PTPRN2: variants seen among roughly 807,000 people sequenced by gnomAD.
The protein encoded by PTPRN2 is receptor-type tyrosine-protein phosphatase N2.
In PTPRN2, 74 loss-of-function variants were observed where a neutral mutation model predicts 118.8. That is an observed-to-expected ratio of 0.62 (90% CI 0.52 to 0.76). PTPRN2 has a LOEUF of 0.76. Among genes scored for constraint, PTPRN2 ranks in the 30% least tolerant of loss-of-function variants. PTPRN2 has a pLI of 0.00. For missense variants in PTPRN2, 1,481 were observed against 1,394.4 expected, an observed-to-expected ratio of 1.06 and a Z score of -0.99; for synonymous variants, 641 against 608.0, an observed-to-expected ratio of 1.05 and a Z score of -0.80.
chr7:157,840,855 A>T (rs765899183), intron 12 of PTPRN2, among the ~76,000 whole-genome samples: 1 of 152,210 alleles, frequency 6.6e-6, no homozygotes, highest in Admixed American at 6.5e-5. Flanking sequence ...CAGGAGCCAG[A>T]AGTGTTTCTT....
Position 157,591,966 on chromosome 7 carries a change from C to T in PTPRN2, c.2496+3272G>A, listed in dbSNP as rs751599713. ...AGAGGCTCTGCTCGGCTGGCATGCT[C>T]GAGAACATCCTGGGAGGGCTGAGGC... On this transcript the variant is annotated intron_variant, in intron 17 of 22. Transcript: ENST00000389418. This position sits in a 1 kb window ranked among gnomAD's most constrained non-coding sequence, Gnocchi z 4.4. Among the ~76,000 whole-genome samples the T allele has an allele frequency of 9.2e-5, 14 of 152,162 alleles. No individual in the cohort carries two copies. The highest frequency in any genetic ancestry group is 1.8e-4 in the Non-Finnish European group (12 of 68,040).
rs533245249 is a variant in PTPRN2, at chr7:158,419,713, C to T, written c.163+70022G>A. 3.9e-4 allele frequency among the ~76,000 whole-genome samples: 59 copies of T among 152,256 alleles called. 1 individual carries two copies. The highest frequency in any genetic ancestry group is 1.3e-3 in the African/African-American group (56 of 41,548). ...CACAAGCCTCCAGCACTCGGTGTGG[C>T]CAGCATTCACCACTCAGGGATTTCT... is the stretch of plus-strand genomic sequence containing the variant. On this transcript the variant is annotated intron_variant, in intron 2 of 22. Transcript: ENST00000389418.
intron 11 of PTPRN2, among the ~76,000 whole-genome samples, chr7:158,009,898 G>A (rs1160452841): frequency 6.6e-6 from 1 of 152,112 alleles, no homozygotes; most frequent in Non-Finnish European, 1.5e-5. Flanking sequence ...ACTGATCTAC[G>A]CCACGCCATT....
Position 157,587,754 on chromosome 7 carries a change from C to A in PTPRN2, c.2496+7484G>T, listed in dbSNP as rs1800758742. 6.6e-6 allele frequency among the ~76,000 whole-genome samples: 1 copy of A among 152,236 alleles called. No individual in the cohort carries two copies. Among genetic ancestry groups the A allele is most frequent in the Non-Finnish European group, 1.5e-5 (1 of 68,032 alleles). On this transcript the variant is annotated intron_variant, in intron 17 of 22. Coordinates refer to ENST00000389418, the MANE Select transcript of PTPRN2 (RefSeq NM_002847.5). The surrounding 1 kb of genome is among the most constrained non-coding windows in gnomAD (Gnocchi z 5.3). The stretch of plus-strand genomic sequence containing the variant: ...GTCTGACTCTGTCCTGAAAGGCAGC[C>A]TGTTCATCAGACAGGAGAGGCAAGG...
intron 2 of PTPRN2, among the ~76,000 whole-genome samples, chr7:158,320,020 TACAC>T (rs1316624592): frequency 0.02 from 70 of 3,416 alleles, 11 homozygotes; most frequent in African/African-American, 0.065. Context: ...GCCTCCCTCA[TACAC>T]ACACACAGCC....
rs771786521 is a variant in PTPRN2 at position 157,974,203 on chromosome 7, G to T, written c.1724-75466C>A. Among the ~76,000 whole-genome samples the T allele has an allele frequency of 7.2e-5, 11 of 152,220 alleles. No individual in the cohort carries two copies. Among genetic ancestry groups the T allele is most frequent in the Admixed American group, 7.2e-4 (11 of 15,286 alleles). On this transcript the variant is annotated intron_variant, in intron 11 of 22. Transcript: ENST00000389418. This position sits in a 1 kb window ranked among gnomAD's most constrained non-coding sequence, Gnocchi z 4.0. Reference sequence around the variant, plus strand: ...TTGTGGAAAGAATGGACAGCACCCTGGTTGATGTGCAGAGTGACCCTGCAG... The same window carrying T: ...TTGTGGAAAGAATGGACAGCACCCTTGTTGATGTGCAGAGTGACCCTGCAG...
intron 2 of PTPRN2, among the ~76,000 whole-genome samples, chr7:158,352,871 C>T (rs1240541300): frequency 2.6e-5 from 4 of 152,254 alleles, no homozygotes; most frequent in African/African-American, 9.6e-5. Context: ...CTGCCTGGCT[C>T]TCTCTGCCTG....
chr7:158,394,901 G>A (rs977376353), intron 2 of PTPRN2, among the ~76,000 whole-genome samples: 3 of 152,224 alleles, frequency 2.0e-5, no homozygotes, highest in Non-Finnish European at 2.9e-5. Flanking sequence ...GTGGGACAGC[G>A]GCCAGGCTGT....
At chr7:157,693,590 C>T (rs1203251151) in intron 12 of PTPRN2, among the ~76,000 whole-genome samples, 1 of 152,032 alleles carries the variant, frequency 6.6e-6, no homozygotes, top group African/African-American at 2.4e-5. Flanking sequence ...GCGACGGCGC[C>T]CCCACCATGG....
intron 11 of PTPRN2, among the ~76,000 whole-genome samples, chr7:157,926,792 C>A (rs547524252): frequency 6.6e-6 from 1 of 152,234 alleles, no homozygotes; most frequent in Non-Finnish European, 1.5e-5. Flanking sequence ...CCTGATCTTG[C>A]TGGACACTCC....
In PTPRN2 at chr7:157,615,566, C is replaced by G. The variant is rs1176407231; in HGVS notation, c.2344+5796G>C. 1 of 471,124 alleles carries G rather than the reference C, an allele frequency of 2.1e-6. No homozygotes were observed. The highest frequency in any genetic ancestry group is 2.0e-5 in the African/African-American group (1 of 50,104). The allele number at this position is 471,124 out of a possible 1,614,324, so 29.2% of individuals were successfully genotyped here. A position where few individuals can be genotyped will look rare whatever the true frequency, so the allele number is the denominator to read the frequency against. ...CGTGGAAACAATCTCAGCCCTGGAACCAGCGCCTGGGAAGTCCCGCGGTGG... is the reference window on the plus strand; with the variant it reads ...CGTGGAAACAATCTCAGCCCTGGAAGCAGCGCCTGGGAAGTCCCGCGGTGG... On this transcript the variant is annotated intron_variant, in intron 15 of 22. Coordinates refer to ENST00000389418, the MANE Select transcript of PTPRN2 (RefSeq NM_002847.5). The surrounding 1 kb of genome is among the most constrained non-coding windows in gnomAD (Gnocchi z 4.3).
At chr7:158,268,351 C>T (rs933869979) in intron 3 of PTPRN2, among the ~76,000 whole-genome samples, 2 of 149,316 alleles carry the variant, frequency 1.3e-5, no homozygotes, top group East Asian at 4.0e-4. Context: ...GTGAAATATC[C>T]CAGCTGCACG....
intron 11 of PTPRN2, among the ~76,000 whole-genome samples, chr7:157,905,389 G>A (rs1212516746): frequency 2.0e-5 from 3 of 152,220 alleles, no homozygotes; most frequent in Non-Finnish European, 2.9e-5. Flanking sequence ...CGTGGAGACA[G>A]TTGGAGAAGC....
Position 157,953,033 on chromosome 7 carries a change from G to A in PTPRN2, c.1724-54296C>T, listed in dbSNP as rs908282496. ...GTTCCAGGAGCCACCTGACCACAGG[G>A]TGAGCTGTCCAGTGCCAGGAACCAC... On this transcript the variant is annotated intron_variant, in intron 11 of 22. Transcript: ENST00000389418. The surrounding 1 kb of genome is among the most constrained non-coding windows in gnomAD (Gnocchi z 4.6). Among the ~76,000 whole-genome samples the A allele has an allele frequency of 1.3e-4, 20 of 152,106 alleles. No homozygotes were observed. The highest frequency in any genetic ancestry group is 2.6e-4 in the Non-Finnish European group (18 of 68,006).
intron 6 of PTPRN2, among the ~76,000 whole-genome samples, chr7:158,144,746 G>A (rs1457713836): frequency 1.3e-5 from 2 of 152,178 alleles, no homozygotes; most frequent in Non-Finnish European, 2.9e-5. Flanking sequence ...GAGGGAAGAG[G>A]CTGCGGTCTG....
intron 12 of PTPRN2, among the ~76,000 whole-genome samples, chr7:157,836,693 A>C (rs1807955708): frequency 6.6e-6 from 1 of 152,176 alleles, no homozygotes; most frequent in African/African-American, 2.4e-5. Context: ...TGTTCAATAG[A>C]CACAAAACAA....
At chr7:157,575,594 C>T (rs1343142102) in intron 19 of PTPRN2, among the ~76,000 whole-genome samples, 1 of 152,222 alleles carries the variant, frequency 6.6e-6, no homozygotes, top group Non-Finnish European at 1.5e-5. Context: ...TAATAAGCTT[C>T]AGAATCTGTA....
intron 12 of PTPRN2, among the ~76,000 whole-genome samples, chr7:157,805,948 G>T (rs1240349428): frequency 6.6e-6 from 1 of 152,172 alleles, no homozygotes; most frequent in East Asian, 1.9e-4. Context: ...GGCTGTGTGT[G>T]CACCGGCTGG....
intron 11 of PTPRN2, among the ~76,000 whole-genome samples, chr7:158,073,414 TG>T (rs762488506): frequency 3.5e-4 from 53 of 152,302 alleles, no homozygotes; most frequent in Non-Finnish European, 5.1e-4. Flanking sequence ...AGGGCCGCAC[TG>T]GCCTCTCCCT....
Sources: gnomAD v4.1 joint callset for allele counts (sites outside exome capture counted in the v4.1 genomes callset) on GRCh38, gnomAD v4.1.1 for gene constraint, Gnocchi (gnomAD v3.1) non-coding constraint, MANE v1.5 for transcripts, NCBI Gene and HGNC (gene_info 2026-07-23, HGNC 2026-07-21) for gene names.